MTMR10: variants seen among roughly 807,000 people sequenced by gnomAD.
The protein encoded by MTMR10 is myotubularin-related protein 10.
A neutral mutation model predicts 88.1 loss-of-function variants in MTMR10; 56 were observed. The ratio of observed to expected loss-of-function variants is 0.64; its 90% CI spans 0.51 to 0.79. MTMR10 has a LOEUF of 0.79. MTMR10 is among the 30% of genes least tolerant of loss of function. The pLI is 0.00. For synonymous variants in MTMR10, 380 were observed against 340.9 expected, an observed-to-expected ratio of 1.11 and a Z score of -1.26; for missense variants, 883 against 924.7, an observed-to-expected ratio of 0.95 and a Z score of 0.58.
chr15:30,940,434 G>A lies in MTMR10; in HGVS notation c.*1036C>T, dbSNP rs2063003950. 4.1e-6 allele frequency: 4 copies of A among 984,764 alleles called. No homozygotes were observed. Among genetic ancestry groups the A allele is most frequent in the Middle Eastern group, 5.2e-4 (1 of 1,934 alleles). The allele number at this position is 984,764 out of a possible 1,614,324, so 61.0% of individuals were successfully genotyped here. A position where few individuals can be genotyped will look rare whatever the true frequency, so the allele number is the denominator to read the frequency against. ...TTTTTTATTTCTCCTCTATTCCTAA[G>A]CATTAGGAACTATGAGAGAAGGACA... On this transcript the variant is annotated 3_prime_UTR_variant, in exon 16 of 16. Transcript: ENST00000435680.
chr15:30,966,858 C>CTTT (rs76851097), intron 6 of MTMR10, among the ~76,000 whole-genome samples: 11 of 131,072 alleles, frequency 8.4e-5, no homozygotes, highest in East Asian at 2.1e-4. Context: ...ACTGTATTTT[C>CTTT]TTTTTTTTTT....
In MTMR10 at chr15:30,941,234, C is replaced by T. The variant is rs1401775221; in HGVS notation, c.*236G>A. 7.0e-7 allele frequency: 1 copy of T among 1,424,390 alleles called. No individual in the cohort carries two copies. Among genetic ancestry groups the T allele is most frequent in the Non-Finnish European group, 9.3e-7 (1 of 1,077,148 alleles). 88.2% of individuals were successfully genotyped at this position (1,424,390 alleles called of 1,614,324 possible). A position where few individuals can be genotyped will look rare whatever the true frequency, so the allele number is the denominator to read the frequency against. ...TAGCAGACAACATGAACAGTTTGATCACGGTTACAAGAGCCAGACCTGTAA... is the reference window on the plus strand; with the variant it reads ...TAGCAGACAACATGAACAGTTTGATTACGGTTACAAGAGCCAGACCTGTAA... On this transcript the variant is annotated 3_prime_UTR_variant, in exon 16 of 16. Coordinates refer to ENST00000435680, the MANE Select transcript of MTMR10 (RefSeq NM_017762.3).
At position 30,939,535 on chromosome 15, in the gene MTMR10, ATAAAAG is replaced by A. The variant is rs918810246; in HGVS notation, c.*1929_*1934del. ...ATGATATAACAACTGTCCAGCAAAA[ATAAAAG>A]TATTTTACATTTGATTATCATACAA... On this transcript the variant is annotated 3_prime_UTR_variant, in exon 16 of 16. Transcript: ENST00000435680. 4.1e-6 allele frequency: 4 copies of A among 976,082 alleles called. No individual in the cohort carries two copies. The Admixed American group carries it at 2.5e-4, about 60-fold the overall frequency. The allele number at this position is 976,082 out of a possible 1,614,324, so 60.5% of individuals were successfully genotyped here.
At chr15:30,948,722 C>G in intron 12 of MTMR10, 3 of 539,208 alleles carry the variant, frequency 5.6e-6, no homozygotes, top group Non-Finnish European at 9.8e-6. Flanking sequence ...ATCACTCATA[C>G]TTTTTACATT....
At chr15:30,951,034 T>A (rs191710674) in intron 12 of MTMR10, among the ~76,000 whole-genome samples, 1 of 152,348 alleles carries the variant, frequency 6.6e-6, no homozygotes, top group African/African-American at 2.4e-5. Context: ...CAGTCCTGGG[T>A]TGGTTGACCA....
At chr15:30,919,550 G>T in the MTMR10 span, among the ~76,000 whole-genome samples, 6 of 151,824 alleles carry the variant, frequency 4.0e-5, no homozygotes, top group South Asian at 2.1e-4. Flanking sequence ...AATTAGGTGG[G>T]TGTTGTGACG....
At chr15:30,970,098 T>C (rs955211047) in intron 5 of MTMR10, among the ~76,000 whole-genome samples, 2 of 152,152 alleles carry the variant, frequency 1.3e-5, no homozygotes, top group East Asian at 1.9e-4. Flanking sequence ...AAAAGTAGGA[T>C]ATAGGTGGTT....
the MTMR10 span, chr15:30,929,495 T>C: frequency 1.4e-6 from 1 of 724,438 alleles, no homozygotes; most frequent in African/African-American, 1.9e-5. Flanking sequence ...TGTGTGTATA[T>C]GTAAATACAT....
At chr15:30,937,264 G>A, downstream of MTMR10, 1 of 1,599,740 alleles carries the variant, frequency 6.3e-7, no homozygotes, top group Non-Finnish European at 8.5e-7. Context: ...TAAAAGGTAT[G>A]GAATTGGGGA....
intron 14 of MTMR10, chr15:30,946,460 T>G: frequency 2.8e-6 from 1 of 358,300 alleles, no homozygotes; most frequent in South Asian, 6.7e-5. Context: ...GCTCCCTAGG[T>G]CACACTGCCT....
chr15:30,944,315 C>A (rs954313093), intron 14 of MTMR10, among the ~76,000 whole-genome samples: 2 of 152,114 alleles, frequency 1.3e-5, no homozygotes, highest in African/African-American at 4.8e-5. Context: ...GCCTGTAATC[C>A]CAGCACTTTG....
Position 30,939,067 on chromosome 15 carries a change from G to A in MTMR10, c.*2403C>T, listed in dbSNP as rs1180577567. On this transcript the variant is annotated 3_prime_UTR_variant, in exon 16 of 16. Coordinates refer to ENST00000435680, the MANE Select transcript of MTMR10 (RefSeq NM_017762.3). ...CAAGTCATCAATTTTAGGCACAAAGGTTTTAGTTTTCTCGGGAAATCAAGT... is the reference window on the plus strand; with the variant it reads ...CAAGTCATCAATTTTAGGCACAAAGATTTTAGTTTTCTCGGGAAATCAAGT... 2 of 985,272 alleles carry A rather than the reference G, an allele frequency of 2.0e-6. No individual in the cohort carries two copies. Among genetic ancestry groups the A allele is most frequent in the African/African-American group, 3.5e-5 (2 of 57,238 alleles). 61.0% of individuals were successfully genotyped at this position (985,272 alleles called of 1,614,324 possible). A position where few individuals can be genotyped will look rare whatever the true frequency, so the allele number is the denominator to read the frequency against.
At chr15:30,960,568 A>G (rs2063387610) in intron 7 of MTMR10, among the ~76,000 whole-genome samples, 1 of 152,188 alleles carries the variant, frequency 6.6e-6, no homozygotes, top group African/African-American at 2.4e-5. Context: ...TAAGAGACAT[A>G]TTAAGCAAAT....
chr15:30,927,039 C>T, the MTMR10 span: 190 of 984,390 alleles, frequency 1.9e-4, 4 homozygotes, highest in South Asian at 6.6e-3. Flanking sequence ...GAACCAGGCA[C>T]GGTAGCTTAC....
At chr15:30,964,586 C>G (rs2063450512) in intron 6 of MTMR10, among the ~76,000 whole-genome samples, 1 of 152,170 alleles carries the variant, frequency 6.6e-6, no homozygotes, top group Non-Finnish European at 1.5e-5. Flanking sequence ...TATACTCAAT[C>G]TGGTTTTATA....
rs2031332146 is a variant in MTMR10, at chr15:30,991,518, C to T, written c.-12G>A. 1 of 1,532,678 alleles carries T rather than the reference C, an allele frequency of 6.5e-7. No individual in the cohort carries two copies. Among genetic ancestry groups the T allele is most frequent in the Non-Finnish European group, 8.7e-7 (1 of 1,147,846 alleles). The allele number at this position is 1,532,678 out of a possible 1,614,324, so 94.9% of individuals were successfully genotyped here. On this transcript the variant is annotated 5_prime_UTR_variant, in exon 1 of 16. Coordinates refer to ENST00000435680, the MANE Select transcript of MTMR10 (RefSeq NM_017762.3). ...TTGAGGGAGAACATGGTGCCGCCGC[C>T]TTTTCGCCCCGTTCCCGTCGCGGGC...
At chr15:30,952,148 TCATGATATTCCCATAACTCATGACC>T in intron 11 of MTMR10, 110 bp from the exon 12 acceptor site, 1 of 903,384 alleles carries the variant, frequency 1.1e-6, no homozygotes, top group South Asian at 1.5e-5. Flanking sequence ...TGCTCTCTGA[TCATGATATTCCCATAACTCATGACC>T]CATGATAACC....
intron 9 of MTMR10, 28 bp downstream of exon 9, chr15:30,958,835 A>G (rs753238767): frequency 6.2e-6 from 10 of 1,605,800 alleles, no homozygotes; most frequent in Non-Finnish European, 7.7e-6. Flanking sequence ...AAAACTATCT[A>G]AAGTGACAAT....
At chr15:30,922,644 G>A in the MTMR10 span, among the ~76,000 whole-genome samples, 1 of 152,144 alleles carries the variant, frequency 6.6e-6, no homozygotes, top group Non-Finnish European at 1.5e-5. Context: ...TAAGGGAAAG[G>A]GAGAGTCAGA....
Sources: allele counts gnomAD v4.1 joint callset (sites outside exome capture counted in the v4.1 genomes callset), GRCh38; gene constraint gnomAD v4.1.1; transcripts MANE v1.5; gene names NCBI Gene and HGNC (gene_info 2026-07-23, HGNC 2026-07-21).